SHANK2: variants seen among roughly 807,000 people sequenced by gnomAD.
The protein encoded by SHANK2 is SH3 and multiple ankyrin repeat domains 2.
Under a neutral mutation model 133.7 loss-of-function variants are expected in SHANK2, and 43 were observed. That is an observed-to-expected ratio of 0.32 (90% CI 0.25 to 0.41). The LOEUF is 0.41. SHANK2 is among the 10% of genes least tolerant of loss of function. SHANK2 has a pLI of 1.00. For missense variants in SHANK2, 1,994 were observed against 2,235.8 expected (o/e 0.89, Z 2.18); for synonymous variants, 1,017 against 952.8 (o/e 1.07, Z -1.24).
At chr11:71,171,140 C>T (rs1555112099) in intron 2 of SHANK2, among the ~76,000 whole-genome samples, 2 of 152,304 alleles carry the variant, frequency 1.3e-5, no homozygotes, top group African/African-American at 4.8e-5. Flanking sequence ...CTTCTAGGTG[C>T]ACTGTATTGG....
intron 15 of SHANK2, among the ~76,000 whole-genome samples, chr11:70,680,786 G>A (rs1170292038): frequency 6.6e-6 from 1 of 152,146 alleles, no homozygotes; most frequent in African/African-American, 2.4e-5. Context: ...ATATGGAGTG[G>A]GGGTGTTTTC....
At position 70,911,382 on chromosome 11, in the gene SHANK2, A is replaced by AAAAAACAG. The variant is rs1950189761; in HGVS notation, c.1108-14816_1108-14815insCTGTTTTT. ...AAAAAAACAAAAAAACAAAAAAACA[A>AAAAAACAG]AAAAACAAAAAACAAAACCTGCCTT... On this transcript the variant is annotated intron_variant, in intron 10 of 25. Transcript: ENST00000601538. Among the ~76,000 whole-genome samples the AAAAAACAG allele has an allele frequency of 2.0e-5, 3 of 152,184 alleles. No individual in the cohort carries two copies. In the South Asian group the frequency reaches 6.2e-4, roughly 32 times the overall value.
chr11:71,240,896 C>G (rs782671720), intron 1 of SHANK2: 5 of 152,172 alleles, frequency 3.3e-5, no homozygotes. Flanking sequence ...GCTGAGTGGT[C>G]GATGAACCGG....
At chr11:71,208,975 A>T (rs1954189703) in intron 2 of SHANK2, among the ~76,000 whole-genome samples, 1 of 152,206 alleles carries the variant, frequency 6.6e-6, no homozygotes, top group Admixed American at 6.5e-5. Context: ...CTGCAGAAGT[A>T]AGATGCACCG....
At chr11:70,608,706 G>A (rs1247849758) in intron 17 of SHANK2, among the ~76,000 whole-genome samples, 12 of 152,198 alleles carry the variant, frequency 7.9e-5, no homozygotes, top group Non-Finnish European at 1.3e-4. Flanking sequence ...ACGGGGGTGA[G>A]GGCCACGGGC....
chr11:70,678,823 G>A (rs1944963751), intron 15 of SHANK2, among the ~76,000 whole-genome samples: 1 of 152,288 alleles, frequency 6.6e-6, no homozygotes, highest in South Asian at 2.1e-4. Context: ...TTACAGGCAT[G>A]ACCCACTGCG....
intron 15 of SHANK2, among the ~76,000 whole-genome samples, chr11:70,670,930 C>T (rs782362067): frequency 1.4e-4 from 22 of 152,340 alleles, no homozygotes; most frequent in Non-Finnish European, 2.9e-4. Context: ...ACTCATGCAG[C>T]CCGCACACCC....
intron 13 of SHANK2, among the ~76,000 whole-genome samples, chr11:70,805,401 C>G (rs559598573): frequency 6.6e-6 from 1 of 152,372 alleles, no homozygotes; most frequent in East Asian, 1.9e-4. Context: ...CACTCTCTAA[C>G]TAGGAACTTC....
At chr11:70,499,537 G>A (rs1477580242) in intron 21 of SHANK2, among the ~76,000 whole-genome samples, 1 of 152,248 alleles carries the variant, frequency 6.6e-6, no homozygotes, top group African/African-American at 2.4e-5. Context: ...TGGCAGCCAT[G>A]GTGGGGCATC....
intron 17 of SHANK2, among the ~76,000 whole-genome samples, chr11:70,544,700 C>T (rs945707088): frequency 7.2e-5 from 11 of 152,224 alleles, no homozygotes; most frequent in Admixed American, 6.5e-5. Context: ...GTCTTTCATC[C>T]GGTAGGCGAC....
rs1317101506 is a variant in SHANK2, at chr11:70,701,205, T to G, written c.1778-2442A>C. 3.3e-5 allele frequency among the ~76,000 whole-genome samples: 5 copies of G among 152,134 alleles called. No homozygotes were observed. In the East Asian group the frequency reaches 9.7e-4, roughly 29 times the overall value. On this transcript the variant is annotated intron_variant, in intron 14 of 25. Transcript: ENST00000601538. ...GTGTATTTACCAGAAAAAAAGACTA[T>G]TTCAGTAAAGGAACCATTTCTAGGC...
rs902381457 is a variant in SHANK2, at chr11:70,882,466, A to G, written c.1174+14035T>C. 6.6e-6 allele frequency among the ~76,000 whole-genome samples: 1 copy of G among 152,232 alleles called. No individual in the cohort carries two copies. Among genetic ancestry groups the G allele is most frequent in the Non-Finnish European group, 1.5e-5 (1 of 68,038 alleles). ...CCTTGATAAAATGGCCCAGTGAAAAAGATCATGACAGAAGCTGCCAAGGAT... is the reference window on the plus strand; with the variant it reads ...CCTTGATAAAATGGCCCAGTGAAAAGGATCATGACAGAAGCTGCCAAGGAT... On this transcript the variant is annotated intron_variant, in intron 11 of 25. Coordinates refer to ENST00000601538, the MANE Select transcript of SHANK2 (RefSeq NM_012309.5). This position sits in a 1 kb window ranked among gnomAD's most constrained non-coding sequence, Gnocchi z 4.2.
intron 10 of SHANK2, among the ~76,000 whole-genome samples, chr11:70,943,695 G>A (rs539840180): frequency 3.3e-5 from 5 of 152,210 alleles, no homozygotes; most frequent in Non-Finnish European, 5.9e-5. Flanking sequence ...ATCAGGAGAC[G>A]GAGAAGAGGT....
chr11:71,226,728 G>A (rs1392762728), intron 1 of SHANK2: 2 of 152,036 alleles, frequency 1.3e-5, no homozygotes, highest in Non-Finnish European at 2.9e-5. Flanking sequence ...AAGGAAATTT[G>A]CCACTGGCAG....
chr11:71,066,081 G>A (rs1951054413), intron 9 of SHANK2, among the ~76,000 whole-genome samples: 1 of 144,672 alleles, frequency 6.9e-6, no homozygotes, highest in Admixed American at 6.9e-5. Flanking sequence ...CAGTGAGTGG[G>A]GAAGTTGGTG....
At chr11:70,621,102 A>G (rs983779768) in intron 17 of SHANK2, among the ~76,000 whole-genome samples, 1 of 152,174 alleles carries the variant, frequency 6.6e-6, no homozygotes, top group Non-Finnish European at 1.5e-5. Context: ...TCAGGCACCA[A>G]GGCACCGGGA....
chr11:70,649,132 C>T (rs563022556), intron 17 of SHANK2, among the ~76,000 whole-genome samples: 1 of 152,184 alleles, frequency 6.6e-6, no homozygotes, highest in Non-Finnish European at 1.5e-5. Context: ...CCTTCTCACC[C>T]ATATAACCCA....
At chr11:70,565,239 C>CCATA (rs2059953798) in intron 17 of SHANK2, among the ~76,000 whole-genome samples, 1 of 151,790 alleles carries the variant, frequency 6.6e-6, no homozygotes, top group African/African-American at 2.4e-5. Flanking sequence ...ATCCATCCAT[C>CCATA]CATCCATCCA....
intron 17 of SHANK2, among the ~76,000 whole-genome samples, chr11:70,624,984 AATTC>A (rs2060885331): frequency 6.6e-6 from 1 of 152,094 alleles, no homozygotes; most frequent in Non-Finnish European, 1.5e-5. Context: ...ACCCTTCCTC[AATTC>A]AGACACCAGC....
Sources: gnomAD v4.1 joint callset for allele counts (sites outside exome capture counted in the v4.1 genomes callset) on GRCh38, gnomAD v4.1.1 for gene constraint, Gnocchi (gnomAD v3.1) non-coding constraint, MANE v1.5 for transcripts, NCBI Gene and HGNC (gene_info 2026-07-23, HGNC 2026-07-21) for gene names.